The following CHRNA7 variants were observed in gnomAD, a reference collection of about 807,000 sequenced individuals.
CHRNA7 encodes cholinergic receptor nicotinic alpha 7 subunit, also known as neuronal acetylcholine receptor subunit alpha-7.
In CHRNA7, 17 loss-of-function variants were observed where a neutral mutation model predicts 48.0. The ratio of observed to expected loss-of-function variants is 0.35; its 90% CI spans 0.24 to 0.53. The LOEUF (loss-of-function observed/expected upper bound fraction) is 0.53. CHRNA7 is among the 20% of genes least tolerant of loss of function. CHRNA7 has a pLI of 0.92. For synonymous variants in CHRNA7, 75 were observed against 242.3 expected (o/e 0.31, Z 6.41); for missense variants, 155 against 577.7 (o/e 0.27, Z 7.50).
chr15:32,050,619 G>A (rs1194451384), intron 2 of CHRNA7, among the ~76,000 whole-genome samples: 3 of 152,002 alleles, frequency 2.0e-5, no homozygotes, highest in Admixed American at 6.6e-5. Context: ...GAGTAGTTTG[G>A]TCGTCTGAAG....
intron 2 of CHRNA7, among the ~76,000 whole-genome samples, chr15:32,074,720 T>C: frequency 6.6e-6 from 1 of 151,844 alleles, no homozygotes; most frequent in African/African-American, 2.4e-5. Context: ...AGTGGCATGA[T>C]CTCGGCTCAC....
At chr15:32,098,906 A>ACACACACACACACG (rs1566837234) in intron 2 of CHRNA7, 1 of 154,510 alleles carries the variant, frequency 6.5e-6, no homozygotes, top group African/African-American at 2.4e-5. Context: ...ACACACACAC[A>ACACACACACACACG]CACTTTTTAT....
chr15:32,046,807 A>T (rs1165266487), intron 2 of CHRNA7, among the ~76,000 whole-genome samples: 1 of 151,902 alleles, frequency 6.6e-6, no homozygotes, highest in African/African-American at 2.4e-5. Flanking sequence ...TTTTAGGTCT[A>T]ACGTTTAAGT....
In CHRNA7 at chr15:32,053,538, TG is replaced by T. The variant is rs138832128; in HGVS notation, c.195+22504del. On this transcript the variant is annotated intron_variant, in intron 2 of 9. Coordinates refer to ENST00000306901, the MANE Select transcript of CHRNA7 (RefSeq NM_000746.6). ...AAAGTATTGTAAAATAGTATGTACT[TG>T]GGCATATTTATGTGTGTGTAAATGC... is the stretch of plus-strand genomic sequence containing the variant. Among the ~76,000 whole-genome samples the T allele has an allele frequency of 7.3e-3, 1,105 of 152,310 alleles. 17 individuals carry two copies. Among genetic ancestry groups the T allele is most frequent in the African/African-American group, 0.026 (1,067 of 41,560 alleles).
At chr15:32,114,035 T>C (rs60716311) in intron 4 of CHRNA7, among the ~76,000 whole-genome samples, 7 of 72,982 alleles carry the variant, frequency 9.6e-5, no homozygotes, top group African/African-American at 3.0e-4. Context: ...TATATATATA[T>C]ATATATATGT....
Position 32,064,491 on chromosome 15 carries a change from GTA to G in CHRNA7, c.195+33456_195+33457del, listed in dbSNP as rs1491533525. Among the ~76,000 whole-genome samples, 883 of 149,226 alleles carry G rather than the reference GTA, an allele frequency of 5.9e-3. 8 individuals are homozygous for G. Among genetic ancestry groups the G allele is most frequent in the African/African-American group, 7.9e-3 (311 of 39,610 alleles). On this transcript the variant is annotated intron_variant, in intron 2 of 9. Coordinates refer to ENST00000306901, the MANE Select transcript of CHRNA7 (RefSeq NM_000746.6). The stretch of plus-strand genomic sequence containing the variant: ...GAAGCTGTGTGTGTGTAGTGTGTGT[GTA>G]TGTGTGTGTATGTGTGTGTGTGGTG...
intron 2 of CHRNA7, among the ~76,000 whole-genome samples, chr15:32,086,980 A>G (rs1391914773): frequency 2.6e-5 from 4 of 152,058 alleles, no homozygotes; most frequent in Non-Finnish European, 5.9e-5. Flanking sequence ...TTTTTCCCCT[A>G]TTTATATACT....
At chr15:32,058,690 T>G (rs1465343302) in intron 2 of CHRNA7, among the ~76,000 whole-genome samples, 3 of 152,188 alleles carry the variant, frequency 2.0e-5, no homozygotes. Flanking sequence ...GAAAATTAGT[T>G]TCCTCCTTAC....
intron 4 of CHRNA7, among the ~76,000 whole-genome samples, chr15:32,141,281 ATC>A (rs2051373751): frequency 6.6e-6 from 1 of 152,212 alleles, no homozygotes; most frequent in South Asian, 2.1e-4. Context: ...ATTGGTCTAT[ATC>A]TCTGTTTTGG....
At chr15:32,064,798 TTGCTTTACCTA>T (rs2049938870) in intron 2 of CHRNA7, among the ~76,000 whole-genome samples, 1 of 152,184 alleles carries the variant, frequency 6.6e-6, no homozygotes, top group African/African-American at 2.4e-5. Context: ...ATCTGTGCTC[TTGCTTTACCTA>T]TGCTCATCAT....
At chr15:32,045,964 C>T (rs1399221731) in intron 2 of CHRNA7, among the ~76,000 whole-genome samples, 1 of 151,112 alleles carries the variant, frequency 6.6e-6, no homozygotes, top group African/African-American at 2.4e-5. Flanking sequence ...TGATGATTTC[C>T]AATTTCATCC....
At chr15:32,052,138 T>A (rs1045924283) in intron 2 of CHRNA7, among the ~76,000 whole-genome samples, 1 of 152,118 alleles carries the variant, frequency 6.6e-6, no homozygotes, top group South Asian at 2.1e-4. Context: ...CCTCTCTTCC[T>A]GGATCTTGTC....
intron 4 of CHRNA7, among the ~76,000 whole-genome samples, chr15:32,118,554 T>G (rs904631314): frequency 6.6e-6 from 1 of 152,188 alleles, no homozygotes; most frequent in Non-Finnish European, 1.5e-5. Flanking sequence ...CCAGCCAACC[T>G]ATGTTTGCAT....
At chr15:32,075,469 G>A (rs536053984) in intron 2 of CHRNA7, among the ~76,000 whole-genome samples, 181 of 152,166 alleles carry the variant, frequency 1.2e-3, no homozygotes, top group African/African-American at 4.3e-3. Flanking sequence ...CGTCTAAATC[G>A]TCCAATTTAT....
In CHRNA7 at chr15:32,030,719, G is replaced by T. The variant is rs1359698781; in HGVS notation, c.55+70G>T. 4.6e-6 allele frequency: 7 copies of T among 1,536,642 alleles called. No homozygotes were observed. The Admixed American group carries it at 1.2e-4, about 26-fold the overall frequency. On this transcript the variant is annotated intron_variant, in intron 1 of 9. Coordinates refer to ENST00000306901, the MANE Select transcript of CHRNA7 (RefSeq NM_000746.6). Reference sequence around the variant, plus strand: ...GGGCACATCCCGGGCGCCTCTGTGCGCCCCGCGCCTGGGCCAGGTTTGGGA... The same window carrying T: ...GGGCACATCCCGGGCGCCTCTGTGCTCCCCGCGCCTGGGCCAGGTTTGGGA...
At chr15:32,086,232 G>A (rs1251305042) in intron 2 of CHRNA7, among the ~76,000 whole-genome samples, 1 of 151,836 alleles carries the variant, frequency 6.6e-6, no homozygotes, top group Non-Finnish European at 1.5e-5. Flanking sequence ...AGCTGGGCCT[G>A]GTGGCAGGCG....
intron 2 of CHRNA7, among the ~76,000 whole-genome samples, chr15:32,063,934 C>T (rs2049920930): frequency 6.6e-6 from 1 of 152,170 alleles, no homozygotes; most frequent in Admixed American, 6.5e-5. Context: ...CCTGGTTTAT[C>T]TTCTCAGTTG....
rs73369053 is a variant in CHRNA7 at position 32,135,506 on chromosome 15, T to C, written c.351-18401T>C. Among the ~76,000 whole-genome samples, 423 of 152,322 alleles carry C rather than the reference T, an allele frequency of 2.8e-3. 1 individual carries two copies. The highest frequency in any genetic ancestry group is 9.4e-3 in the African/African-American group (392 of 41,576). The stretch of plus-strand genomic sequence containing the variant: ...AAATCACTACTGGGCGACTGAGAAC[T>C]TCCGCATCTATCAGCTGCTTACGGT... On this transcript the variant is annotated intron_variant, in intron 4 of 9. Transcript: ENST00000306901.
At chr15:32,048,176 C>G (rs572455098) in intron 2 of CHRNA7, among the ~76,000 whole-genome samples, 1 of 152,170 alleles carries the variant, frequency 6.6e-6, no homozygotes, top group South Asian at 2.1e-4. Context: ...CAGAATGATG[C>G]TGGCCTCATG....
Sources: gnomAD v4.1 joint callset for allele counts (sites outside exome capture counted in the v4.1 genomes callset) on GRCh38, gnomAD v4.1.1 for gene constraint, MANE v1.5 for transcripts, NCBI Gene and HGNC (gene_info 2026-07-23, HGNC 2026-07-21) for gene names.